TOB2: variants seen among roughly 807,000 people sequenced by gnomAD.
TOB2 encodes transducer of ERBB2, 2, also known as protein Tob2.
A neutral mutation model predicts 17.3 loss-of-function variants in TOB2; 3 were observed. That is an observed-to-expected ratio of 0.17 (90% confidence interval 0.08 to 0.45). TOB2 has a LOEUF of 0.45. Ranked by LOEUF, TOB2 falls within the 20% of genes least tolerant of loss-of-function variation. The pLI, the probability that TOB2 is intolerant of heterozygous loss-of-function variation, is 0.99. For synonymous variants in TOB2, 163 were observed against 185.6 expected, an observed-to-expected ratio of 0.88 and a Z score of 0.99; for missense variants, 407 against 445.7, an observed-to-expected ratio of 0.91 and a Z score of 0.78.
chr22:41,442,916 G>A (rs58120059), intron 1 of TOB2, among the ~76,000 whole-genome samples: 1 of 152,196 alleles, frequency 6.6e-6, no homozygotes, highest in African/African-American at 2.4e-5. Flanking sequence ...AGGACACTAA[G>A]ATCTTTTCTA....
rs2037603050 is a variant in TOB2 at position 41,440,403 on chromosome 22, C to T, written c.-62-2996G>A. 2.6e-5 allele frequency among the ~76,000 whole-genome samples: 4 copies of T among 151,898 alleles called. No individual in the cohort carries two copies. In the South Asian group the frequency reaches 8.3e-4, roughly 32 times the overall value. ...AAGTGCTGGGATTACAGGCATGAGCCACCGCGCCTGGCCTCTTTTTCTTTT... is the reference window on the plus strand; with the variant it reads ...AAGTGCTGGGATTACAGGCATGAGCTACCGCGCCTGGCCTCTTTTTCTTTT... On this transcript the variant is annotated intron_variant, in intron 1 of 1. Coordinates refer to ENST00000327492, the MANE Select transcript of TOB2 (RefSeq NM_016272.4).
Position 41,437,286 on chromosome 22 carries a change from C to T in TOB2, c.60G>A (p.Leu20=). ...CAAACAGGTCTGCCCGGCGCCGGGG[C>T]AGCTTGTTGTACAAGTAGGAGATGA... The part of the protein sequence containing the change: ...NFIISYLYNK[L]PRRRADLFGE... The change falls in exon 2 of 2, where the codon CTG becomes CTA. Residue 20 remains leucine, a synonymous_variant. Transcript: ENST00000327492. 1 of 1,614,112 alleles carries T rather than the reference C, an allele frequency of 6.2e-7. No individual in the cohort carries two copies. The highest frequency in any genetic ancestry group is 2.2e-5 in the East Asian group (1 of 44,864).
At chr22:41,444,602 G>A (rs537106490) in intron 1 of TOB2, among the ~76,000 whole-genome samples, 4 of 152,250 alleles carry the variant, frequency 2.6e-5, no homozygotes, top group African/African-American at 7.2e-5. Flanking sequence ...AAGGGGAGCC[G>A]ACCGAGGGTC....
At chr22:41,440,907 C>T (rs2037611760) in intron 1 of TOB2, among the ~76,000 whole-genome samples, 1 of 151,440 alleles carries the variant, frequency 6.6e-6, no homozygotes, top group African/African-American at 2.4e-5. Flanking sequence ...GGGGTTTTGC[C>T]ATGTCACCCA....
intron 1 of TOB2, among the ~76,000 whole-genome samples, chr22:41,444,759 G>A (rs1192412557): frequency 1.3e-5 from 2 of 152,050 alleles, no homozygotes; most frequent in Non-Finnish European, 2.9e-5. Flanking sequence ...TAGGCTTTAC[G>A]AGAGCCTAAC....
chr22:41,436,634 G>A lies in TOB2; in HGVS notation c.712C>T (p.His238Tyr), dbSNP rs766646402. ...TTGGCCGTGATGAAGTTCAGTGAAT[G>A]CATAGACAGAGAGAGGCTCTTGTGC... ...LKHKSLSLSM[H>Y]SLNFITANPA... The change falls in exon 2 of 2, where the codon CAT becomes TAT. Residue 238 changes from histidine (H) to tyrosine (Y), a missense_variant. Transcript: ENST00000327492. This position sits in a 1 kb window ranked among gnomAD's most constrained non-coding sequence, Gnocchi z 4.8. The A allele has an allele frequency of 4.3e-6, 7 of 1,614,064 alleles. No homozygotes were observed. Among genetic ancestry groups the A allele is most frequent in the Non-Finnish European group, 5.9e-6 (7 of 1,180,000 alleles).
At chr22:41,444,398 G>A (rs1184264006) in intron 1 of TOB2, among the ~76,000 whole-genome samples, 1 of 152,052 alleles carries the variant, frequency 6.6e-6, no homozygotes, top group Non-Finnish European at 1.5e-5. Context: ...ATGTTCCTCA[G>A]GAGCTAGGAA....
At chr22:41,444,532 A>C (rs1002830521) in intron 1 of TOB2, among the ~76,000 whole-genome samples, 1 of 152,218 alleles carries the variant, frequency 6.6e-6, no homozygotes, top group African/African-American at 2.4e-5. Flanking sequence ...CTTTCCCTGC[A>C]CACTACACTT....
At position 41,437,373 on chromosome 22, in the gene TOB2, C is replaced by T; in HGVS notation, c.-28G>A. On this transcript the variant is annotated 5_prime_UTR_variant, in exon 2 of 2. The change creates a new upstream start codon in the 5' untranslated region. Coordinates refer to ENST00000327492, the MANE Select transcript of TOB2 (RefSeq NM_016272.4). The stretch of plus-strand genomic sequence containing the variant: ...TCCTTTCCTAGGCAGAGAATCAGCA[C>T]AGGGCACGTGTACAGCCTTGGGCTC... 1 of 1,596,528 alleles carries T rather than the reference C, an allele frequency of 6.3e-7. No homozygotes were observed. The highest frequency in any genetic ancestry group is 8.5e-7 in the Non-Finnish European group (1 of 1,171,712).
Position 41,446,637 on chromosome 22 carries a change from G to C in TOB2, c.-321C>G, listed in dbSNP as rs555030738. The C allele has an allele frequency of 2.4e-3, 360 of 153,134 alleles. 3 individuals carry two copies. Among genetic ancestry groups the C allele is most frequent in the Non-Finnish European group, 4.3e-3 (292 of 68,266 alleles). The allele number at this position is 153,134 out of a possible 1,614,324, so 9.5% of individuals were successfully genotyped here. On this transcript the variant is annotated 5_prime_UTR_variant, in exon 1 of 2. Transcript: ENST00000327492. The stretch of plus-strand genomic sequence containing the variant: ...GAGGGCGGGCGGGCGGACTAGCGGC[G>C]ACGACGCGGGGATGGCGGATCGGAG...
chr22:41,436,470 G>A lies in TOB2; in HGVS notation c.876C>T (p.Gly292=). 1.9e-6 allele frequency: 3 copies of A among 1,614,152 alleles called. No homozygotes were observed. The highest frequency in any genetic ancestry group is 2.5e-6 in the Non-Finnish European group (3 of 1,179,998). ...TPGPFGGSGA[G]TCNSSSFDMA... ...TGTCAAAGCTGCTGCTGTTGCAGGT[G>A]CCAGCCCCACTGCCTCCAAACGGGC... is the stretch of plus-strand genomic sequence containing the variant. Residue 292 remains glycine, a synonymous_variant, in exon 2 of 2, where the codon GGC becomes GGT. Coordinates refer to ENST00000327492, the MANE Select transcript of TOB2 (RefSeq NM_016272.4). The surrounding 1 kb of genome is among the most constrained non-coding windows in gnomAD (Gnocchi z 4.8).
chr22:41,433,975 TGAAAA>T lies in TOB2; in HGVS notation c.*2331_*2335del, dbSNP rs935921493. On this transcript the variant is annotated 3_prime_UTR_variant, in exon 2 of 2. Coordinates refer to ENST00000327492, the MANE Select transcript of TOB2 (RefSeq NM_016272.4). ...CTCTCATCTTTTTAAGAAAAAATCTTGAAAAGAAAAAAATTATGTTTTTTACGTTA... is the reference window on the plus strand; with the variant it reads ...CTCTCATCTTTTTAAGAAAAAATCTTGAAAAAAATTATGTTTTTTACGTTA... 7 of 237,506 alleles carry T rather than the reference TGAAAA, an allele frequency of 2.9e-5. No individual in the cohort carries two copies. The highest frequency in any genetic ancestry group is 9.1e-5 in the East Asian group (1 of 10,948). 14.7% of individuals were successfully genotyped at this position (237,506 alleles called of 1,614,324 possible). A position where few individuals can be genotyped will look rare whatever the true frequency, so the allele number is the denominator to read the frequency against.
intron 1 of TOB2, among the ~76,000 whole-genome samples, chr22:41,442,330 A>G (rs1280341893): frequency 1.3e-5 from 2 of 152,186 alleles, no homozygotes; most frequent in Non-Finnish European, 2.9e-5. Context: ...ACCTGGCTGC[A>G]TAATTGCCTT....
chr22:41,443,604 C>A lies in TOB2; in HGVS notation c.-63+2775G>T, dbSNP rs887238544. On this transcript the variant is annotated intron_variant, in intron 1 of 1. Transcript: ENST00000327492. ...AAGTGTTGGGATTACAGGCGTGAGT[C>A]ACTGCCTAGCCAGAAGATTTTTTTT... Among the ~76,000 whole-genome samples, 6 of 148,500 alleles carry A rather than the reference C, an allele frequency of 4.0e-5. No homozygotes were observed. The South Asian group carries it at 6.4e-4, about 16-fold the overall frequency.
In TOB2 at chr22:41,440,913, A is replaced by C. The variant is rs554505806; in HGVS notation, c.-62-3506T>G. ...TGTAGAGATGGGGTTTTGCCATGTC[A>C]CCCAGGCTGTTCTTGAACTCCTACG... On this transcript the variant is annotated intron_variant, in intron 1 of 1. Coordinates refer to ENST00000327492, the MANE Select transcript of TOB2 (RefSeq NM_016272.4). Among the ~76,000 whole-genome samples the C allele has an allele frequency of 6.6e-5, 10 of 151,450 alleles. No individual in the cohort carries two copies. The South Asian group carries it at 2.1e-3, about 31-fold the overall frequency.
intron 1 of TOB2, among the ~76,000 whole-genome samples, chr22:41,443,134 C>T (rs2037636623): frequency 6.6e-6 from 1 of 152,142 alleles, no homozygotes; most frequent in Admixed American, 6.5e-5. Context: ...CTTGTGCTGA[C>T]TTGTGTTTTA....
Position 41,437,413 on chromosome 22 carries a change from A to C in TOB2, c.-62-6T>G. On this transcript the variant is annotated splice_polypyrimidine_tract_variant and splice_region_variant and intron_variant, in intron 1 of 1. Transcript: ENST00000327492. Reference sequence around the variant, plus strand: ...GCCTTGGGCTCCAGGCGGCTCTGGGAAATGAGAGGCACCGTGAGAAAATAT... The same window carrying C: ...GCCTTGGGCTCCAGGCGGCTCTGGGCAATGAGAGGCACCGTGAGAAAATAT... 1 of 1,528,474 alleles carries C rather than the reference A, an allele frequency of 6.5e-7. No homozygotes were observed. Among genetic ancestry groups the C allele is most frequent in the Non-Finnish European group, 8.8e-7 (1 of 1,142,484 alleles). 94.7% of individuals were successfully genotyped at this position (1,528,474 alleles called of 1,614,324 possible).
At chr22:41,441,729 T>C (rs1174840729) in intron 1 of TOB2, among the ~76,000 whole-genome samples, 2 of 151,582 alleles carry the variant, frequency 1.3e-5, no homozygotes, top group East Asian at 1.9e-4. Context: ...CTGACCAACA[T>C]GGTGAAACCC....
chr22:41,442,105 A>G (rs1369295434), intron 1 of TOB2, among the ~76,000 whole-genome samples: 1 of 151,612 alleles, frequency 6.6e-6, no homozygotes, highest in East Asian at 1.9e-4. Context: ...AAAAAAAAAA[A>G]AAAAAGAAAA....
Sources: allele counts gnomAD v4.1 joint callset (sites outside exome capture counted in the v4.1 genomes callset), GRCh38; gene constraint gnomAD v4.1.1; non-coding constraint Gnocchi (gnomAD v3.1); transcripts MANE v1.5; gene names NCBI Gene and HGNC (gene_info 2026-07-23, HGNC 2026-07-21).